KCTD8: variants seen among roughly 807,000 people sequenced by gnomAD.
KCTD8 encodes BTB/POZ domain-containing protein KCTD8.
KCTD8 carries 27 observed loss-of-function variants against 31.5 expected under a neutral mutation model. The ratio of observed to expected loss-of-function variants is 0.86; its 90% confidence interval spans 0.63 to 1.18. KCTD8 has a LOEUF of 1.18. KCTD8 is among the 50% of genes most tolerant of loss of function. The pLI is 0.00. For missense variants in KCTD8, 658 were observed against 647.7 expected, an observed-to-expected ratio of 1.02 and a Z score of -0.17; for synonymous variants, 290 against 280.0, an observed-to-expected ratio of 1.04 and a Z score of -0.36.
chr4:44,391,749 C>A (rs1720380578), intron 1 of KCTD8, among the ~76,000 whole-genome samples: 1 of 151,752 alleles, frequency 6.6e-6, no homozygotes, highest in African/African-American at 2.4e-5. Flanking sequence ...GATTGGCACT[C>A]CTCAGCCTTA....
chr4:44,332,531 A>C (rs182084781), intron 1 of KCTD8, among the ~76,000 whole-genome samples: 372 of 152,122 alleles, frequency 2.4e-3, no homozygotes, highest in Middle Eastern at 6.8e-3. Context: ...TTCAATAACT[A>C]GTTGTTGACT....
intron 1 of KCTD8, among the ~76,000 whole-genome samples, chr4:44,279,326 TG>T (rs1280032502): frequency 2.0e-5 from 3 of 152,006 alleles, no homozygotes; most frequent in Non-Finnish European, 4.4e-5. Context: ...TATTGGAAGC[TG>T]GGGGAGACCT....
chr4:44,279,519 G>T (rs962418608), intron 1 of KCTD8, among the ~76,000 whole-genome samples: 1 of 151,992 alleles, frequency 6.6e-6, no homozygotes, highest in African/African-American at 2.4e-5. Context: ...TGATTACACT[G>T]GGTCCACCAG....
At chr4:44,369,073 C>A (rs562108316) in intron 1 of KCTD8, among the ~76,000 whole-genome samples, 1 of 151,872 alleles carries the variant, frequency 6.6e-6, no homozygotes, top group African/African-American at 2.4e-5. Context: ...ATAAGGAAGA[C>A]GTGGAATGAG....
At chr4:44,212,549 G>A (rs1356784844) in intron 1 of KCTD8, among the ~76,000 whole-genome samples, 2 of 151,978 alleles carry the variant, frequency 1.3e-5, no homozygotes, top group Non-Finnish European at 2.9e-5. Flanking sequence ...TCAACATTTG[G>A]TTGGAAAAAT....
intron 1 of KCTD8, among the ~76,000 whole-genome samples, chr4:44,333,188 GAA>G (rs139231825): frequency 0.061 from 9,275 of 151,996 alleles, 441 homozygotes; most frequent in Admixed American, 0.15. Context: ...TTAGACTTTG[GAA>G]AAGACTGTGT....
chr4:44,250,969 T>C (rs1258759511), intron 1 of KCTD8, among the ~76,000 whole-genome samples: 3 of 151,916 alleles, frequency 2.0e-5, no homozygotes, highest in Non-Finnish European at 2.9e-5. Context: ...CGTTTTTAAA[T>C]AGTTATTTAA....
chr4:44,197,337 C>T (rs1713977010), intron 1 of KCTD8, among the ~76,000 whole-genome samples: 1 of 152,068 alleles, frequency 6.6e-6, no homozygotes, highest in South Asian at 2.1e-4. Context: ...GAGGGAGCCC[C>T]ACAGCCTGGA....
At chr4:44,327,393 A>G (rs1371876711) in intron 1 of KCTD8, among the ~76,000 whole-genome samples, 5 of 151,892 alleles carry the variant, frequency 3.3e-5, no homozygotes, top group Admixed American at 6.6e-5. Context: ...CCTTGTAATT[A>G]TAGTTCTCTC....
intron 1 of KCTD8, among the ~76,000 whole-genome samples, chr4:44,358,622 G>C (rs1174708896): frequency 1.3e-5 from 2 of 151,538 alleles, no homozygotes; most frequent in Non-Finnish European, 2.9e-5. Context: ...AGGCTGGAGT[G>C]TAGTGGCACG....
chr4:44,342,979 C>A (rs1718943701), intron 1 of KCTD8, among the ~76,000 whole-genome samples: 1 of 152,176 alleles, frequency 6.6e-6, no homozygotes, highest in Non-Finnish European at 1.5e-5. Context: ...GATCTTCTAC[C>A]CAGGCCACTA....
At chr4:44,358,158 G>A (rs931937137) in intron 1 of KCTD8, among the ~76,000 whole-genome samples, 3 of 151,166 alleles carry the variant, frequency 2.0e-5, no homozygotes, top group African/African-American at 7.3e-5. Context: ...TTGGTTTTCT[G>A]TTCCTGTGTT....
In KCTD8 at chr4:44,448,485, G is replaced by A. The variant is rs751345196; in HGVS notation, c.39C>T (p.Ile13=). The A allele has an allele frequency of 1.3e-6, 2 of 1,514,424 alleles. No individual in the cohort carries two copies. The highest frequency in any genetic ancestry group is 2.7e-5 in the South Asian group (2 of 74,764). 93.8% of individuals were successfully genotyped at this position (1,514,424 alleles called of 1,614,324 possible). A position where few individuals can be genotyped will look rare whatever the true frequency, so the allele number is the denominator to read the frequency against. The change falls in exon 1 of 2, where the codon ATC becomes ATT. Residue 13 remains isoleucine, a synonymous_variant. Transcript: ENST00000360029. This position sits in a 1 kb window ranked among gnomAD's most constrained non-coding sequence, Gnocchi z 4.1. ...LKDTGSGGST[I]LPISEMVSSS... is the part of the protein sequence containing the mutation. ...AGGAAACCATCTCGCTAATGGGCAG[G>A]ATGGTGCTGCCGCCGCTGCCCGTGT...
intron 1 of KCTD8, among the ~76,000 whole-genome samples, chr4:44,194,402 G>T (rs1261063195): frequency 6.6e-6 from 1 of 152,146 alleles, no homozygotes; most frequent in Non-Finnish European, 1.5e-5. Context: ...GTAAAAAGAT[G>T]TACTGGTAAC....
chr4:44,268,664 A>T (rs537297665), intron 1 of KCTD8, among the ~76,000 whole-genome samples: 55 of 152,006 alleles, frequency 3.6e-4, no homozygotes, highest in East Asian at 7.7e-4. Flanking sequence ...CAGCCCAAAA[A>T]CTCCTTAAGC....
chr4:44,405,009 A>G (rs889991264), intron 1 of KCTD8, among the ~76,000 whole-genome samples: 2 of 152,230 alleles, frequency 1.3e-5, no homozygotes, highest in Non-Finnish European at 2.9e-5. Context: ...ATTACAGTTC[A>G]AAATAGATAA....
At chr4:44,203,956 G>T (rs905018300) in intron 1 of KCTD8, among the ~76,000 whole-genome samples, 5 of 151,750 alleles carry the variant, frequency 3.3e-5, no homozygotes, top group Non-Finnish European at 5.9e-5. Flanking sequence ...AAAAAAGCAT[G>T]TGCAAATGCC....
At chr4:44,235,248 A>G (rs1371851051) in intron 1 of KCTD8, among the ~76,000 whole-genome samples, 1 of 149,834 alleles carries the variant, frequency 6.7e-6, no homozygotes, top group African/African-American at 2.5e-5. Context: ...CTTTTTATAC[A>G]TGAGAAACTT....
At chr4:44,278,400 T>A (rs1025879322) in intron 1 of KCTD8, among the ~76,000 whole-genome samples, 1 of 152,004 alleles carries the variant, frequency 6.6e-6, no homozygotes, top group Non-Finnish European at 1.5e-5. Flanking sequence ...AAAACAGCTA[T>A]CAAGTGCTCT....
Sources: allele counts gnomAD v4.1 joint callset (sites outside exome capture counted in the v4.1 genomes callset), GRCh38; gene constraint gnomAD v4.1.1; non-coding constraint Gnocchi (gnomAD v3.1); transcripts MANE v1.5; gene names NCBI Gene and HGNC (gene_info 2026-07-23, HGNC 2026-07-21).